CFH: variants seen among roughly 807,000 people sequenced by gnomAD.
CFH encodes complement factor H.
Under a neutral mutation model 147.3 loss-of-function variants are expected in CFH, and 53 were observed. That is an observed-to-expected ratio of 0.36 (90% confidence interval 0.29 to 0.45). CFH has a LOEUF of 0.45. CFH is among the 20% of genes least tolerant of loss of function. CFH has a pLI of 1.00. For missense variants in CFH, 1,380 were observed against 1,498.0 expected (o/e 0.92, Z 1.30); for synonymous variants, 536 against 489.4 (o/e 1.10, Z -1.26).
chr1:196,736,872 A>G lies in CFH; in HGVS notation c.2462A>G (p.His821Arg). ...CPPPPQIPNS[H>R]NMTTTLNYRD... Reference sequence around the variant, plus strand: ...CCTCCACCTCAGATTCCCAATTCTCACAATATGACAACCACACTGAATTAT... The same window carrying G: ...CCTCCACCTCAGATTCCCAATTCTCGCAATATGACAACCACACTGAATTAT... Residue 821 changes from histidine to arginine, a missense_variant, in exon 16 of 22, where the codon CAC becomes CGC. Transcript: ENST00000367429. The G allele has an allele frequency of 1.3e-6, 2 of 1,585,340 alleles. No individual in the cohort carries two copies. The highest frequency in any genetic ancestry group is 3.4e-4 in the Middle Eastern group (2 of 5,960).
chr1:196,740,923 G>T, intron 18 of CFH, 131 bp downstream of exon 18: 1 of 902,112 alleles, frequency 1.1e-6, no homozygotes, highest in Non-Finnish European at 1.8e-6. Context: ...GACTGCTGTG[G>T]GAAATTATAG....
intron 9 of CFH, among the ~76,000 whole-genome samples, chr1:196,705,598 G>A (rs182317031): frequency 1.3e-5 from 2 of 152,282 alleles, no homozygotes; most frequent in Admixed American, 1.3e-4. Flanking sequence ...TGAGAGAGAA[G>A]GGATGGGTTT....
Position 196,737,585 on chromosome 1 carries a change from G to C in CFH, c.2707G>C (p.Gly903Arg). The C allele has an allele frequency of 1.2e-6, 2 of 1,613,282 alleles. No homozygotes were observed. Among genetic ancestry groups the C allele is most frequent in the Non-Finnish European group, 1.7e-6 (2 of 1,179,560 alleles). The change falls in exon 17 of 22, where the codon GGT becomes CGT. Residue 903 changes from glycine (G) to arginine (R), a missense_variant. Physicochemically the swap from Gly to Arg is moderately radical, Grantham distance 125. Around this residue, in one of 4 missense-constraint regions of CFH, gnomAD observed 830 missense variants for 821.4 expected, o/e 1.01. Coordinates refer to ENST00000367429, the MANE Select transcript of CFH (RefSeq NM_000186.4). ...GACTAAATTGAGTTATACTTGTGAGGGTGGTTTCAGGATATCTGAAGAAAA... is the reference window on the plus strand; with the variant it reads ...GACTAAATTGAGTTATACTTGTGAGCGTGGTTTCAGGATATCTGAAGAAAA... ...HGTKLSYTCE[G>R]GFRISEENET... is the part of the protein sequence containing the mutation.
chr1:196,700,664 A>AG (rs1668424492), intron 9 of CFH, among the ~76,000 whole-genome samples: 2 of 151,942 alleles, frequency 1.3e-5, no homozygotes, highest in African/African-American at 4.8e-5. Context: ...AAAAAAAAAA[A>AG]AAAAGAAAAG....
chr1:196,742,773 C>G (rs1190936768), intron 19 of CFH, among the ~76,000 whole-genome samples: 2 of 152,170 alleles, frequency 1.3e-5, no homozygotes, highest in Admixed American at 6.5e-5. Flanking sequence ...AGTCTATTCA[C>G]TACACATGGA....
In CFH at chr1:196,690,215, C is replaced by T; in HGVS notation, c.1312C>T (p.Pro438Ser). Reference sequence around the variant, plus strand: ...TACATGTATGGAGAATGGCTGGTCTCCTACTCCCAGATGCATCCGTGTCAG... The same window carrying T: ...TACATGTATGGAGAATGGCTGGTCTTCTACTCCCAGATGCATCCGTGTCAG... ...TVTCMENGWS[P>S]TPRCIRVKTC... The change falls in exon 9 of 22, where the codon CCT becomes TCT. Residue 438 changes from proline to serine, a missense_variant. This residue lies in a region of CFH where 830 missense variants were observed against 821.4 expected (regional missense o/e 1.01). Transcript: ENST00000367429. The T allele has an allele frequency of 6.2e-7, 1 of 1,613,320 alleles. No homozygotes were observed.
At position 196,668,782 on chromosome 1, in the gene CFH, C is replaced by CT. The variant is rs368966507; in HGVS notation, c.59-4189dup. Among the ~76,000 whole-genome samples the CT allele has an allele frequency of 2.6e-3, 402 of 152,192 alleles. 2 individuals are homozygous for CT. The highest frequency in any genetic ancestry group is 0.014 in the East Asian group (70 of 5,174). ...TGAAAGTATGAATCAGTTTAAACTT[C>CT]TTTTTTTATGAACTACCCAGTCTCA... On this transcript the variant is annotated intron_variant, in intron 1 of 21. Coordinates refer to ENST00000367429, the MANE Select transcript of CFH (RefSeq NM_000186.4).
At position 196,714,000 on chromosome 1, in the gene CFH, A is replaced by T. The variant is rs1026227177; in HGVS notation, c.1519+83A>T. ...CTTTAGTCTTTTTGTGGGGGCTGAT[A>T]TAATTTCATTTGAAAAGATAAGAAA... On this transcript the variant is annotated intron_variant, in intron 10 of 21. Transcript: ENST00000367429. The T allele has an allele frequency of 6.5e-6, 8 of 1,237,440 alleles. No individual in the cohort carries two copies. In the African/African-American group the frequency reaches 1.2e-4, roughly 19 times the overall value. 76.7% of individuals were successfully genotyped at this position (1,237,440 alleles called of 1,614,324 possible). A position where few individuals can be genotyped will look rare whatever the true frequency, so the allele number is the denominator to read the frequency against.
intron 15 of CFH, among the ~76,000 whole-genome samples, chr1:196,732,572 G>A (rs577101416): frequency 2.6e-5 from 4 of 152,064 alleles, no homozygotes; most frequent in African/African-American, 9.6e-5. Flanking sequence ...CAATAGATAA[G>A]ACAATGGCCT....
At chr1:196,724,945 T>A (rs995570324) in intron 11 of CFH, among the ~76,000 whole-genome samples, 176 bp from the exon 12 acceptor site, 4 of 152,208 alleles carry the variant, frequency 2.6e-5, no homozygotes, top group African/African-American at 9.6e-5. Context: ...TAAAGTTCCA[T>A]TTCAATTTAG....
At chr1:196,696,775 C>CA (rs1309843173) in intron 9 of CFH, among the ~76,000 whole-genome samples, 1 of 152,136 alleles carries the variant, frequency 6.6e-6, no homozygotes, top group Non-Finnish European at 1.5e-5. Context: ...CCACAGTAAC[C>CA]AAAATAGCAT....
rs1291982687 is a variant in CFH at position 196,673,912 on chromosome 1, A to G, written c.300A>G (p.Gly100=). The part of the protein sequence containing the change: ...DTPFGTFTLT[G]GNVFEYGVKA... ...CTTTTGGTACTTTTACCCTTACAGG[A>G]GGAAATGTGTTTGAATATGGTGTAA... The change falls in exon 3 of 22, where the codon GGA becomes GGG. Residue 100 remains glycine (G), a synonymous_variant. Transcript: ENST00000367429. 1.9e-6 allele frequency: 3 copies of G among 1,613,476 alleles called. No individual in the cohort carries two copies. Among genetic ancestry groups the G allele is most frequent in the African/African-American group, 1.3e-5 (1 of 74,864 alleles).
intron 9 of CFH, chr1:196,700,716 A>T: frequency 2.3e-6 from 1 of 433,566 alleles, no homozygotes; most frequent in Non-Finnish European, 3.1e-6. Flanking sequence ...GCAGTCATTT[A>T]CCTACAGTCC....
rs776754655 is a variant in CFH, at chr1:196,689,500, G to A, written c.1045G>A (p.Val349Ile). ...GCGTAGACCATACTTTCCAGTAGCTGTAGGAAAATATTACTCCTATTACTG... is the reference window on the plus strand; with the variant it reads ...GCGTAGACCATACTTTCCAGTAGCTATAGGAAAATATTACTCCTATTACTG... ...NMRRPYFPVA[V>I]GKYYSYYCDE... The change falls in exon 8 of 22, where the codon GTA (valine) becomes ATA (isoleucine). Residue 349 changes from valine (V) to isoleucine (I), a missense_variant. Around this residue, in one of 4 missense-constraint regions of CFH, gnomAD observed 167 missense variants for 228.0 expected, o/e 0.73. Coordinates refer to ENST00000367429, the MANE Select transcript of CFH (RefSeq NM_000186.4). The A allele has an allele frequency of 1.9e-6, 3 of 1,613,292 alleles. No individual in the cohort carries two copies. In the African/African-American group the frequency reaches 4.0e-5, roughly 22 times the overall value.
Position 196,743,459 on chromosome 1 carries a change from C to T in CFH, c.3141C>T (p.Ser1047=), listed in dbSNP as rs760212152. The T allele has an allele frequency of 1.2e-6, 2 of 1,613,970 alleles. No homozygotes were observed. The highest frequency in any genetic ancestry group is 1.7e-5 in the Admixed American group (1 of 60,030). Residue 1047 remains serine (S), a synonymous_variant, in exon 20 of 22, where the codon TCC becomes TCT. Transcript: ENST00000367429. ...TCTTTTTTTTCTATTCAGACACCTCCTGTGTGAATCCGCCCACAGTACAAA... is the reference window on the plus strand; with the variant it reads ...TCTTTTTTTTCTATTCAGACACCTCTTGTGTGAATCCGCCCACAGTACAAA... ...WTGRPTCRDT[S]CVNPPTVQNA... is the part of the protein sequence containing the mutation.
intron 1 of CFH, among the ~76,000 whole-genome samples, chr1:196,664,509 G>A (rs920190563): frequency 6.6e-6 from 1 of 152,128 alleles, no homozygotes; most frequent in Admixed American, 6.6e-5. Context: ...CTCTTCTATT[G>A]TAACATAAAA....
At chr1:196,657,125 C>A (rs1666728866) in intron 1 of CFH, among the ~76,000 whole-genome samples, 1 of 151,956 alleles carries the variant, frequency 6.6e-6, no homozygotes, top group African/African-American at 2.4e-5. Flanking sequence ...CCACACCTAG[C>A]TAAATTTTTT....
chr1:196,663,848 G>A (rs977468067), intron 1 of CFH, among the ~76,000 whole-genome samples: 7 of 152,000 alleles, frequency 4.6e-5, no homozygotes, highest in African/African-American at 1.7e-4. Flanking sequence ...TTCCAACTTT[G>A]AATTTTGTTG....
chr1:196,704,934 T>A (rs191884884), intron 9 of CFH, among the ~76,000 whole-genome samples: 38 of 152,322 alleles, frequency 2.5e-4, no homozygotes, highest in Admixed American at 7.8e-4. Context: ...ATCTGAAGGA[T>A]GCCTTCATCT....
Sources: allele counts gnomAD v4.1 joint callset (sites outside exome capture counted in the v4.1 genomes callset), GRCh38; gene constraint gnomAD v4.1.1; regional missense constraint gnomAD v4.1.1; transcripts MANE v1.5; gene names NCBI Gene and HGNC (gene_info 2026-07-23, HGNC 2026-07-21).